POLR3G: variants seen among roughly 807,000 people sequenced by gnomAD.
POLR3G encodes DNA-directed RNA polymerase III subunit RPC7.
A neutral mutation model predicts 30.1 loss-of-function variants in POLR3G; 28 were observed. The ratio of observed to expected loss-of-function variants is 0.93; its 90% CI spans 0.69 to 1.27. The LOEUF is 1.27. POLR3G is among the 50% of genes most tolerant of loss of function. The pLI is 0.00. For synonymous variants in POLR3G, 79 were observed against 82.5 expected (o/e 0.96, Z 0.23); for missense variants, 254 against 264.6 (o/e 0.96, Z 0.28).
At chr5:90,497,931 A>G (rs1312619613) in intron 5 of POLR3G, among the ~76,000 whole-genome samples, 1 of 152,128 alleles carries the variant, frequency 6.6e-6, no homozygotes, top group Admixed American at 6.6e-5. Flanking sequence ...CATAGTGAGA[A>G]CTTGTCTCTA....
intron 1 of POLR3G, among the ~76,000 whole-genome samples, chr5:90,483,670 G>A (rs1480938693): frequency 3.3e-5 from 5 of 151,984 alleles, no homozygotes; most frequent in East Asian, 3.9e-4. Context: ...ATGGTGGTGC[G>A]CGCCTATAAT....
intron 7 of POLR3G, among the ~76,000 whole-genome samples, chr5:90,508,885 A>T (rs964788964): frequency 2.0e-5 from 3 of 152,126 alleles, no homozygotes; most frequent in African/African-American, 7.2e-5. Context: ...AACATGGTGA[A>T]ACCCTGTCTC....
intron 4 of POLR3G, 54 bp downstream of exon 4, chr5:90,495,787 C>T: frequency 6.6e-7 from 1 of 1,515,064 alleles, no homozygotes; most frequent in Non-Finnish European, 8.8e-7. Context: ...TCTCTCTCAC[C>T]TCATGTTTTT....
chr5:90,475,864 AC>A (rs1211354736), intron 1 of POLR3G, among the ~76,000 whole-genome samples: 2 of 152,112 alleles, frequency 1.3e-5, no homozygotes, highest in African/African-American at 4.8e-5. Context: ...GGCGCCTGCC[AC>A]TGCACCCGGC....
In POLR3G at chr5:90,513,594, A is replaced by G. The variant is rs1024743526; in HGVS notation, c.*1455A>G. 2.0e-5 allele frequency: 3 copies of G among 152,342 alleles called. No individual in the cohort carries two copies. The highest frequency in any genetic ancestry group is 2.9e-5 in the Non-Finnish European group (2 of 68,026). The allele number at this position is 152,342 out of a possible 1,614,324, so 9.4% of individuals were successfully genotyped here. A position where few individuals can be genotyped will look rare whatever the true frequency, so the allele number is the denominator to read the frequency against. ...TTTCCTATCTTGTATTCATGCAGAA[A>G]ATTGGAGAAAATGTGTATTGTCTTG... On this transcript the variant is annotated 3_prime_UTR_variant, in exon 8 of 8. Coordinates refer to ENST00000651687, the MANE Select transcript of POLR3G (RefSeq NM_006467.3).
chr5:90,491,124 A>C (rs1751704450), intron 3 of POLR3G, among the ~76,000 whole-genome samples: 1 of 152,228 alleles, frequency 6.6e-6, no homozygotes, highest in Non-Finnish European at 1.5e-5. Flanking sequence ...TCAAGAACTG[A>C]TGGCATGGAA....
At chr5:90,493,163 A>C (rs1433246552) in intron 3 of POLR3G, among the ~76,000 whole-genome samples, 1 of 152,202 alleles carries the variant, frequency 6.6e-6, no homozygotes, top group Non-Finnish European at 1.5e-5. Context: ...ATTTTGGTTA[A>C]ATTTACCTTC....
Position 90,506,602 on chromosome 5 carries a change from T to C in POLR3G, c.513T>C (p.Ser171=), listed in dbSNP as rs1183559483. The C allele has an allele frequency of 1.9e-6, 3 of 1,612,848 alleles. No homozygotes were observed. The highest frequency in any genetic ancestry group is 2.5e-6 in the Non-Finnish European group (3 of 1,179,500). ...NEEKEGSKEK[S]KEGDDDDDDD... ...AGAAAGAAGGAAGCAAAGAGAAAAGTAAAGAAGGTGATGATGACGATGACG... is the reference window on the plus strand; with the variant it reads ...AGAAAGAAGGAAGCAAAGAGAAAAGCAAAGAAGGTGATGATGACGATGACG... Residue 171 remains serine (S), a synonymous_variant, in exon 7 of 8, where the codon AGT becomes AGC. Coordinates refer to ENST00000651687, the MANE Select transcript of POLR3G (RefSeq NM_006467.3).
rs115508651 is a variant in POLR3G at position 90,494,962 on chromosome 5, C to G, written c.248-715C>G. ...TTCTTAAAAAGAAGTCATTGTGTTA[C>G]AAATTCTAGGAATCTCTCATTTGTG... is the stretch of plus-strand genomic sequence containing the variant. On this transcript the variant is annotated intron_variant, in intron 3 of 7. Transcript: ENST00000651687. Among the ~76,000 whole-genome samples, 236 of 152,212 alleles carry G rather than the reference C, an allele frequency of 1.6e-3. 3 individuals are homozygous for G. The highest frequency in any genetic ancestry group is 5.5e-3 in the African/African-American group (229 of 41,542).
At chr5:90,496,342 T>C (rs1751994049) in intron 4 of POLR3G, among the ~76,000 whole-genome samples, 2 of 152,160 alleles carry the variant, frequency 1.3e-5, no homozygotes. Flanking sequence ...TTAGCCACAA[T>C]CACAATTTTA....
chr5:90,504,384 C>A (rs1020519569), intron 6 of POLR3G, among the ~76,000 whole-genome samples: 18 of 151,802 alleles, frequency 1.2e-4, no homozygotes, highest in Non-Finnish European at 2.4e-4. Flanking sequence ...CACAGTGAAA[C>A]CCCATCTCTA....
intron 7 of POLR3G, among the ~76,000 whole-genome samples, chr5:90,509,442 TTC>T (rs1309925694): frequency 6.6e-6 from 1 of 152,234 alleles, no homozygotes; most frequent in Non-Finnish European, 1.5e-5. Flanking sequence ...GATACAGTTC[TTC>T]TCTCAGGGAA....
intron 3 of POLR3G, among the ~76,000 whole-genome samples, chr5:90,492,908 G>A (rs1433036946): frequency 6.6e-6 from 1 of 151,530 alleles, no homozygotes; most frequent in Admixed American, 6.6e-5. Context: ...TTAAAGTATT[G>A]CATTTTGGAT....
upstream of POLR3G, chr5:90,473,965 G>A (rs773492337): frequency 6.2e-7 from 1 of 1,600,390 alleles, no homozygotes; most frequent in South Asian, 1.1e-5. Context: ...TTGTCCCCGC[G>A]AGCCAGCGCC....
chr5:90,502,804 CT>C lies in POLR3G; in HGVS notation c.438+829del, dbSNP rs10675068. Among the ~76,000 whole-genome samples the C allele has an allele frequency of 5.1e-4, 73 of 144,238 alleles. 1 individual carries two copies. Among genetic ancestry groups the C allele is most frequent in the Admixed American group, 1.0e-3 (15 of 14,514 alleles). The allele number at this position is 144,238 out of a possible 152,430, so 94.6% of individuals were successfully genotyped here. A position where few individuals can be genotyped will look rare whatever the true frequency, so the allele number is the denominator to read the frequency against. ...GTCTGTGTAGAGTTACCTCATCCTTCTTTTTTTTTTTTTGGCTGCACTATAA... is the reference window on the plus strand; with the variant it reads ...GTCTGTGTAGAGTTACCTCATCCTTCTTTTTTTTTTTTGGCTGCACTATAA... On this transcript the variant is annotated intron_variant, in intron 6 of 7. Transcript: ENST00000651687.
intron 3 of POLR3G, among the ~76,000 whole-genome samples, chr5:90,489,322 G>A (rs1462423854): frequency 1.3e-5 from 2 of 149,166 alleles, no homozygotes; most frequent in Middle Eastern, 3.2e-3. Context: ...CTGGAGTGTA[G>A]TGGTACAATC....
At chr5:90,512,024 T>A in intron 7 of POLR3G, 29 bp from the exon 8 acceptor site, 1 of 1,432,088 alleles carries the variant, frequency 7.0e-7, no homozygotes, top group East Asian at 2.3e-5. Context: ...CATTTTAACG[T>A]TTACAAAGGA....
At chr5:90,504,294 C>T (rs1253461157) in intron 6 of POLR3G, among the ~76,000 whole-genome samples, 1 of 152,076 alleles carries the variant, frequency 6.6e-6, no homozygotes, top group Non-Finnish European at 1.5e-5. Flanking sequence ...GGCGCCGTGG[C>T]TCACGCCTGT....
chr5:90,501,569 A>G (rs933338347), intron 5 of POLR3G, among the ~76,000 whole-genome samples: 1 of 152,302 alleles, frequency 6.6e-6, no homozygotes, highest in Admixed American at 6.5e-5. Flanking sequence ...GGAGCCTTTC[A>G]CTATACTCTT....
Sources: gnomAD v4.1 joint callset for allele counts (sites outside exome capture counted in the v4.1 genomes callset) on GRCh38, gnomAD v4.1.1 for gene constraint, MANE v1.5 for transcripts, NCBI Gene and HGNC (gene_info 2026-07-23, HGNC 2026-07-21) for gene names.